Variants in BNC2 observed in about 807,000 individuals in gnomAD.
BNC2 encodes the protein basonuclin zinc finger protein 2.
In BNC2, 20 loss-of-function variants were observed where a neutral mutation model predicts 76.3. The observed-to-expected ratio is 0.26, with a 90% CI of 0.18 to 0.38. BNC2 has a LOEUF of 0.38. BNC2 is among the 10% of genes least tolerant of loss of function. BNC2 has a pLI of 1.00. For synonymous variants in BNC2, 582 were observed against 514.8 expected (o/e 1.13, Z -1.77); for missense variants, 1,382 against 1,399.8 (o/e 0.99, Z 0.20).
At chr9:16,841,847 T>C (rs1298330336) in intron 1 of BNC2, among the ~76,000 whole-genome samples, 3 of 150,318 alleles carry the variant, frequency 2.0e-5, no homozygotes, top group African/African-American at 7.3e-5. Context: ...TTCACTCTTG[T>C]TGCCCAGGCT....
At chr9:16,776,433 C>T (rs1234295307) in intron 1 of BNC2, among the ~76,000 whole-genome samples, 1 of 152,122 alleles carries the variant, frequency 6.6e-6, no homozygotes. Flanking sequence ...ACCCACAGCG[C>T]CCAGCCACCT....
chr9:16,775,660 G>T, intron 1 of BNC2: 1 of 204,890 alleles, frequency 4.9e-6, no homozygotes. Context: ...CTTCCAGCCT[G>T]GTCTGCTGGT....
intron 5 of BNC2, among the ~76,000 whole-genome samples, chr9:16,506,910 C>T (rs1042655390): frequency 6.6e-6 from 1 of 151,996 alleles, no homozygotes; most frequent in Non-Finnish European, 1.5e-5. Flanking sequence ...TGCCACCACA[C>T]TCGGCTAATT....
intron 5 of BNC2, among the ~76,000 whole-genome samples, chr9:16,538,386 T>C (rs1818193917): frequency 6.6e-6 from 1 of 152,182 alleles, no homozygotes; most frequent in South Asian, 2.1e-4. Context: ...CAACTTAATA[T>C]AAAACATCTA....
At chr9:16,802,501 A>T (rs1817809341) in intron 1 of BNC2, among the ~76,000 whole-genome samples, 1 of 152,194 alleles carries the variant, frequency 6.6e-6, no homozygotes, top group Non-Finnish European at 1.5e-5. Context: ...TGACACAGAG[A>T]TCTAAAGCCC....
intron 1 of BNC2, among the ~76,000 whole-genome samples, chr9:16,831,345 A>G (rs961881143): frequency 6.6e-6 from 1 of 152,244 alleles, no homozygotes; most frequent in Non-Finnish European, 1.5e-5. Flanking sequence ...GACCATTTTC[A>G]TTCACCTTGA....
chr9:16,445,631 T>C (rs1350804770), intron 5 of BNC2, among the ~76,000 whole-genome samples: 2 of 152,196 alleles, frequency 1.3e-5, no homozygotes, highest in African/African-American at 4.8e-5. Context: ...ATCACATCCC[T>C]ACTCTCCTCT....
intron 3 of BNC2, chr9:16,685,521 T>G: frequency 1.7e-4 from 219 of 1,284,914 alleles, no homozygotes; most frequent in Non-Finnish European, 2.1e-4. Flanking sequence ...CACCCCTAGC[T>G]GAGAAAACAG....
At chr9:16,578,190 T>C (rs374588446) in intron 4 of BNC2, among the ~76,000 whole-genome samples, 9 of 152,284 alleles carry the variant, frequency 5.9e-5, no homozygotes, top group African/African-American at 2.2e-4. Flanking sequence ...ACAAATCAAA[T>C]ATCATGGGAT....
chr9:16,570,573 C>G (rs1026654494), intron 4 of BNC2, among the ~76,000 whole-genome samples: 6 of 152,134 alleles, frequency 3.9e-5, no homozygotes, highest in Admixed American at 3.3e-4. Context: ...CTCATAAAAA[C>G]GGGTTAAGAG....
At chr9:16,864,360 TGTTA>T (rs1304796611) in intron 1 of BNC2, among the ~76,000 whole-genome samples, 2 of 152,226 alleles carry the variant, frequency 1.3e-5, no homozygotes, top group African/African-American at 2.4e-5. Flanking sequence ...AAAATAGTTA[TGTTA>T]GTCACCAGAA....
chr9:16,565,134 A>C (rs1422320261), intron 4 of BNC2, among the ~76,000 whole-genome samples: 1 of 152,156 alleles, frequency 6.6e-6, no homozygotes, highest in African/African-American at 2.4e-5. Context: ...TCACTGGCCT[A>C]TTATATGCTA....
intron 5 of BNC2, among the ~76,000 whole-genome samples, chr9:16,497,045 T>A (rs1339400504): frequency 6.6e-6 from 1 of 152,232 alleles, no homozygotes; most frequent in Non-Finnish European, 1.5e-5. Flanking sequence ...TAGGTTGTGA[T>A]CCATATGTTC....
intron 3 of BNC2, among the ~76,000 whole-genome samples, chr9:16,714,362 C>G (rs1207221572): frequency 6.6e-6 from 1 of 152,196 alleles, no homozygotes; most frequent in Non-Finnish European, 1.5e-5. Flanking sequence ...GTGCTTCCCT[C>G]CCCTTATATT....
intron 5 of BNC2, among the ~76,000 whole-genome samples, chr9:16,442,160 A>G (rs1821141846): frequency 6.6e-6 from 1 of 152,224 alleles, no homozygotes; most frequent in Non-Finnish European, 1.5e-5. Context: ...TACCCTGTTA[A>G]GTTAAATGCG....
At chr9:16,841,047 C>G (rs116087851) in intron 1 of BNC2, among the ~76,000 whole-genome samples, 1,976 of 152,250 alleles carry the variant, frequency 0.013, 40 homozygotes, top group African/African-American at 0.045. Context: ...CTGTAGTTCT[C>G]TACTTCACGG....
Position 16,437,487 on chromosome 9 carries a change from A to G in BNC2, c.707T>C (p.Met236Thr). The change falls in exon 6 of 7, where the codon ATG becomes ACG. Residue 236 changes from methionine to threonine, a missense_variant. This residue lies in a region of BNC2 where 557 missense variants were observed against 540.9 expected (regional missense o/e 1.03). Coordinates refer to ENST00000380672, the MANE Select transcript of BNC2 (RefSeq NM_017637.6). ...GGTGATGATTTCCTCTTCTCGAGACATGATGGCCCAGCGGTCCAGCACCTT... is the reference window on the plus strand; with the variant it reads ...GGTGATGATTTCCTCTTCTCGAGACGTGATGGCCCAGCGGTCCAGCACCTT... ...AGKVLDRWAIMSREEEIITLQ... is the reference protein window; with the variant it reads ...AGKVLDRWAITSREEEIITLQ... The G allele has an allele frequency of 6.2e-7, 1 of 1,613,682 alleles. No individual in the cohort carries two copies. The highest frequency in any genetic ancestry group is 8.5e-7 in the Non-Finnish European group (1 of 1,180,004).
chr9:16,694,838 A>G (rs10733314), intron 3 of BNC2, among the ~76,000 whole-genome samples: 93,124 of 151,970 alleles, frequency 0.61, 31,795 homozygotes, highest in Non-Finnish European at 0.79. Context: ...AAAAATGTGC[A>G]AACGCATACA....
chr9:16,508,325 G>T (rs917364791), intron 5 of BNC2, among the ~76,000 whole-genome samples: 2 of 152,158 alleles, frequency 1.3e-5, no homozygotes, highest in Non-Finnish European at 2.9e-5. Context: ...ACAGGTTTTG[G>T]TATGTAGAAT....
Sources: allele counts gnomAD v4.1 joint callset (sites outside exome capture counted in the v4.1 genomes callset), GRCh38; gene constraint gnomAD v4.1.1; regional missense constraint gnomAD v4.1.1; transcripts MANE v1.5; gene names NCBI Gene and HGNC (gene_info 2026-07-23, HGNC 2026-07-21).